Variants in DLGAP4 observed in about 807,000 individuals in gnomAD.
The protein encoded by DLGAP4 is disks large-associated protein 4.
In DLGAP4, 18 loss-of-function variants were observed where a neutral mutation model predicts 86.9. The ratio of observed to expected loss-of-function variants is 0.21; its 90% confidence interval spans 0.14 to 0.31. The LOEUF is 0.31. Among genes scored for constraint, DLGAP4 ranks in the 10% least tolerant of loss-of-function variants. The pLI is 1.00. For missense variants in DLGAP4, 1,085 were observed against 1,362.6 expected (o/e 0.80, Z 3.21); for synonymous variants, 548 against 574.3 (o/e 0.95, Z 0.65).
At chr20:36,439,443 C>T (rs1026269671) in intron 4 of DLGAP4, among the ~76,000 whole-genome samples, 2 of 152,144 alleles carry the variant, frequency 1.3e-5, no homozygotes, top group African/African-American at 4.8e-5. Context: ...AGTCTAGGGG[C>T]CTGATAGAAG....
intron 2 of DLGAP4, among the ~76,000 whole-genome samples, chr20:36,410,029 G>A (rs1242932464): frequency 7.9e-5 from 11 of 139,594 alleles, no homozygotes; most frequent in East Asian, 4.3e-4. Flanking sequence ...GTTAGACTCC[G>A]TCTCAAAAAA....
At position 36,446,941 on chromosome 20, in the gene DLGAP4, A is replaced by T; in HGVS notation, c.1648+4A>T. 1 of 1,599,254 alleles carries T rather than the reference A, an allele frequency of 6.3e-7. No individual in the cohort carries two copies. The highest frequency in any genetic ancestry group is 8.6e-7 in the Non-Finnish European group (1 of 1,168,856). ...AGCAATAGTCGCACGCTTCCGAGTG[A>T]GTACTGTGATGAGGGAAGGGGTTTT... On this transcript the variant is annotated splice_donor_region_variant and intron_variant, in intron 7 of 12. Transcript: ENST00000339266.
At chr20:36,339,563 T>A (rs1448116392) in intron 1 of DLGAP4, among the ~76,000 whole-genome samples, 1 of 152,030 alleles carries the variant, frequency 6.6e-6, no homozygotes, top group South Asian at 2.1e-4. Context: ...TTTAAAAAAA[T>A]TTTGTAGAGA....
chr20:36,452,017 C>T (rs1051170683), intron 7 of DLGAP4, among the ~76,000 whole-genome samples: 7 of 152,148 alleles, frequency 4.6e-5, no homozygotes, highest in South Asian at 2.1e-4. Context: ...GCCTTGGCCT[C>T]CCAAAGTGCT....
At chr20:36,501,567 G>C (rs961762075) in intron 10 of DLGAP4, among the ~76,000 whole-genome samples, 1 of 150,482 alleles carries the variant, frequency 6.6e-6, no homozygotes, top group Non-Finnish European at 1.5e-5. Context: ...TGGTTGGAGG[G>C]GGGTTGGGTG....
At chr20:36,381,800 T>G (rs887115895) in intron 2 of DLGAP4, among the ~76,000 whole-genome samples, 2 of 152,178 alleles carry the variant, frequency 1.3e-5, no homozygotes, top group African/African-American at 4.8e-5. Flanking sequence ...TCATAAGCTC[T>G]TCTCCTCTGT....
intron 7 of DLGAP4, among the ~76,000 whole-genome samples, chr20:36,468,014 G>C (rs912230592): frequency 6.6e-6 from 1 of 152,220 alleles, no homozygotes. Flanking sequence ...GTCCCAAGGG[G>C]CTGAGCCTTC....
chr20:36,307,422 T>C (rs1193669327), intron 1 of DLGAP4, among the ~76,000 whole-genome samples: 1 of 152,014 alleles, frequency 6.6e-6, no homozygotes, highest in Non-Finnish European at 1.5e-5. Flanking sequence ...CATCCCTCCA[T>C]CCCTCCATCC....
chr20:36,481,087 C>G (rs1001106660), intron 7 of DLGAP4, among the ~76,000 whole-genome samples: 7 of 152,168 alleles, frequency 4.6e-5, no homozygotes, highest in Non-Finnish European at 8.8e-5. Context: ...AGTAGAAGGG[C>G]AAAGAGCGTC....
At chr20:36,516,285 TAAC>T (rs778158065) in intron 10 of DLGAP4, among the ~76,000 whole-genome samples, 15 of 152,320 alleles carry the variant, frequency 9.8e-5, no homozygotes, top group Non-Finnish European at 1.8e-4. Flanking sequence ...GGCATAATGC[TAAC>T]AACAGAATCC....
chr20:36,476,188 A>C (rs748623219), intron 7 of DLGAP4, among the ~76,000 whole-genome samples: 1 of 151,924 alleles, frequency 6.6e-6, no homozygotes, highest in Admixed American at 6.6e-5. Flanking sequence ...ATTGGCACTA[A>C]GTACATTCCC....
At chr20:36,461,149 G>A (rs1396387320) in intron 7 of DLGAP4, among the ~76,000 whole-genome samples, 9 of 152,140 alleles carry the variant, frequency 5.9e-5, no homozygotes, top group African/African-American at 9.7e-5. Flanking sequence ...CAGAGCATGC[G>A]TCGCGTTCCA....
intron 7 of DLGAP4, among the ~76,000 whole-genome samples, chr20:36,449,999 G>A (rs554277557): frequency 2.8e-4 from 43 of 152,318 alleles, no homozygotes; most frequent in African/African-American, 1.0e-3. Context: ...TCTCCTTATG[G>A]TGATGGCAGA....
intron 2 of DLGAP4, among the ~76,000 whole-genome samples, chr20:36,407,908 A>G (rs1159269668): frequency 6.6e-6 from 1 of 152,150 alleles, no homozygotes; most frequent in Non-Finnish European, 1.5e-5. Flanking sequence ...CCCTTTAGTC[A>G]AGGAGGATGT....
chr20:36,429,386 G>GTTTCTTTT (rs1179447468), intron 2 of DLGAP4, among the ~76,000 whole-genome samples: 1 of 121,022 alleles, frequency 8.3e-6, no homozygotes, highest in African/African-American at 3.1e-5. Context: ...GCCCATTCCT[G>GTTTCTTTT]TTTCTTTTTT....
intron 8 of DLGAP4, 129 bp from the exon 9 acceptor site, chr20:36,499,459 C>T (rs1446405710): frequency 7.4e-7 from 1 of 1,342,354 alleles, no homozygotes. Flanking sequence ...TGTCCGCATG[C>T]CTCGTGTCTG....
chr20:36,468,614 G>C (rs1402878733), intron 7 of DLGAP4, among the ~76,000 whole-genome samples: 1 of 152,260 alleles, frequency 6.6e-6, no homozygotes, highest in East Asian at 1.9e-4. Context: ...ACAGCCTCCA[G>C]GTGCCCCTCA....
intron 1 of DLGAP4, among the ~76,000 whole-genome samples, chr20:36,356,960 G>T (rs543703238): frequency 7.2e-5 from 11 of 152,192 alleles, no homozygotes; most frequent in African/African-American, 2.6e-4. Context: ...GAATCTGTCT[G>T]CTGTCTTCAG....
intron 8 of DLGAP4, chr20:36,497,441 T>TC: frequency 9.4e-7 from 1 of 1,063,996 alleles, no homozygotes; most frequent in Non-Finnish European, 1.1e-6. Context: ...AGTTCTCTAA[T>TC]CCAAGGTCAG....
Sources: allele counts gnomAD v4.1 joint callset (sites outside exome capture counted in the v4.1 genomes callset), GRCh38; gene constraint gnomAD v4.1.1; transcripts MANE v1.5; gene names NCBI Gene and HGNC (gene_info 2026-07-23, HGNC 2026-07-21).